Variants in XPOT observed in about 807,000 individuals in gnomAD.
XPOT encodes the protein exportin-T.
In XPOT, 34 loss-of-function variants were observed where a neutral mutation model predicts 128.2. That is an observed-to-expected ratio of 0.27 (90% CI 0.20 to 0.35). The LOEUF (loss-of-function observed/expected upper bound fraction) is 0.35. Ranked by LOEUF, XPOT falls within the 10% of genes least tolerant of loss-of-function variation. The probability of loss-of-function intolerance (pLI) is 1.00; values close to 1 mark genes in which losing one functional copy is unlikely to be tolerated. For missense variants in XPOT, 838 were observed against 1,125.3 expected, an observed-to-expected ratio of 0.74 and a Z score of 3.65; for synonymous variants, 348 against 394.3, an observed-to-expected ratio of 0.88 and a Z score of 1.39.
chr12:64,434,292 A>G (rs527650233), intron 19 of XPOT, among the ~76,000 whole-genome samples: 12 of 152,232 alleles, frequency 7.9e-5, no homozygotes, highest in South Asian at 2.1e-4. Context: ...CACCGCGCCC[A>G]GCTGATTTTT....
chr12:64,425,716 G>T, intron 14 of XPOT, 99 bp from the exon 15 acceptor site: 1 of 1,195,164 alleles, frequency 8.4e-7, no homozygotes, highest in South Asian at 1.2e-5. Flanking sequence ...CCTTTTAGGA[G>T]CTAAGAAGTA....
chr12:64,435,599 T>C (rs2040275999), intron 21 of XPOT, 28 bp from the exon 22 acceptor site: 2 of 1,580,212 alleles, frequency 1.3e-6, no homozygotes, highest in East Asian at 2.3e-5. Context: ...ATTGAATATA[T>C]AGAAATTCTT....
At chr12:64,405,769 C>T (rs2039975099) in intron 1 of XPOT, among the ~76,000 whole-genome samples, 1 of 151,938 alleles carries the variant, frequency 6.6e-6, no homozygotes, top group African/African-American at 2.4e-5. Context: ...AGGTGCGCCC[C>T]GCCACACCTG....
At chr12:64,442,645 TGA>T (rs1424871091) in intron 23 of XPOT, 1 of 152,426 alleles carries the variant, frequency 6.6e-6, no homozygotes, top group Non-Finnish European at 1.5e-5. Context: ...ATGAGCTGGG[TGA>T]GAGAGCTGCT....
Position 64,405,859 on chromosome 12 carries a change from G to T in XPOT, c.-75+1055G>T, listed in dbSNP as rs184336402. Among the ~76,000 whole-genome samples, 244 of 152,228 alleles carry T rather than the reference G, an allele frequency of 1.6e-3. 1 individual carries two copies. The highest frequency in any genetic ancestry group is 5.7e-3 in the African/African-American group (237 of 41,556). ...TCTCGATCTCTTGACCTCGCGATCCGCCCGCCTCAGCCTCCCAAAGTGCTG... is the reference window on the plus strand; with the variant it reads ...TCTCGATCTCTTGACCTCGCGATCCTCCCGCCTCAGCCTCCCAAAGTGCTG... On this transcript the variant is annotated intron_variant, in intron 1 of 24. Transcript: ENST00000332707.
chr12:64,418,065 G>C lies in XPOT; in HGVS notation c.220G>C (p.Val74Leu), dbSNP rs753271807. Residue 74 changes from valine (V) to leucine (L), a missense_variant, in exon 5 of 25, where the codon GTT becomes CTT. Coordinates refer to ENST00000332707, the MANE Select transcript of XPOT (RefSeq NM_007235.6). ...VKYKYSELTT[V>L]QQQLIRETLI... ...GAACAGATACTCAGAACTAACCACT[G>C]TTCAACAACAGCTAATTAGGGAGAC... The C allele has an allele frequency of 1.2e-6, 2 of 1,613,242 alleles. No individual in the cohort carries two copies. Among genetic ancestry groups the C allele is most frequent in the South Asian group, 1.1e-5 (1 of 90,924 alleles).
chr12:64,428,702 A>C (rs1042217397), intron 16 of XPOT, among the ~76,000 whole-genome samples: 1 of 152,254 alleles, frequency 6.6e-6, no homozygotes, highest in Admixed American at 6.5e-5. Context: ...TGGAAAAAGT[A>C]ATTTTAAAAA....
At chr12:64,435,602 A>G in intron 21 of XPOT, 25 bp from the exon 22 acceptor site, 1 of 1,584,032 alleles carries the variant, frequency 6.3e-7, no homozygotes, top group Middle Eastern at 1.7e-4. Context: ...GAATATATAG[A>G]AATTCTTAAA....
rs774855274 is a variant in XPOT at position 64,435,619 on chromosome 12, T to C, written c.2686-8T>C. On this transcript the variant is annotated splice_region_variant and splice_polypyrimidine_tract_variant and intron_variant, in intron 21 of 24. Transcript: ENST00000332707. The stretch of plus-strand genomic sequence containing the variant: ...ATATATAGAAATTCTTAAACTTGTT[T>C]TTCACAGGCTTTATCTGAGTGTGCA... 1.9e-6 allele frequency: 3 copies of C among 1,589,196 alleles called. No homozygotes were observed. The South Asian group carries it at 3.4e-5, about 18-fold the overall frequency.
chr12:64,422,734 A>G (rs1181732320), intron 9 of XPOT, among the ~76,000 whole-genome samples: 1 of 151,998 alleles, frequency 6.6e-6, no homozygotes. Context: ...CTCCATTTCT[A>G]TAAATAATAA....
chr12:64,421,847 T>C (rs2136020498), intron 9 of XPOT, among the ~76,000 whole-genome samples: 1 of 152,198 alleles, frequency 6.6e-6, no homozygotes, highest in Non-Finnish European at 1.5e-5. Context: ...AGTTTTGCTG[T>C]TGTTGCCCAG....
intron 2 of XPOT, among the ~76,000 whole-genome samples, chr12:64,412,592 T>C (rs145286046): frequency 1.1e-3 from 160 of 152,324 alleles, no homozygotes; most frequent in Middle Eastern, 3.4e-3. Flanking sequence ...TGTGTTCTTA[T>C]AGTCTTAACT....
chr12:64,431,911 C>CT (rs981881879), intron 18 of XPOT, 88 bp downstream of exon 18: 605 of 1,375,052 alleles, frequency 4.4e-4, no homozygotes, highest in South Asian at 6.3e-4. Context: ...CCTTGGGTTT[C>CT]TTTTTTTTTG....
At chr12:64,447,780 G>A (rs1196478808) in intron 24 of XPOT, among the ~76,000 whole-genome samples, 1 of 152,124 alleles carries the variant, frequency 6.6e-6, no homozygotes, top group Non-Finnish European at 1.5e-5. Flanking sequence ...TAATTTACCA[G>A]TGTTAATTTG....
intron 1 of XPOT, chr12:64,409,698 G>A (rs937788612): frequency 2.3e-5 from 5 of 217,780 alleles, no homozygotes; most frequent in Non-Finnish European, 3.7e-5. Context: ...CGGTGCCACT[G>A]CACTCCAGCC....
chr12:64,427,944 GC>G, intron 15 of XPOT, 106 bp from the exon 16 acceptor site: 2 of 712,918 alleles, frequency 2.8e-6, no homozygotes, highest in Non-Finnish European at 4.9e-6. Context: ...GAAGTGACTA[GC>G]CTACAACTGA....
chr12:64,434,668 A>G (rs1376016957), intron 20 of XPOT, 45 bp downstream of exon 20: 1 of 1,575,528 alleles, frequency 6.3e-7, no homozygotes, highest in Non-Finnish European at 8.7e-7. Flanking sequence ...AAACTCTTTC[A>G]TAAAACTCTT....
At chr12:64,440,272 C>T (rs2040314503) in intron 23 of XPOT, among the ~76,000 whole-genome samples, 1 of 152,200 alleles carries the variant, frequency 6.6e-6, no homozygotes, top group African/African-American at 2.4e-5. Flanking sequence ...CCTTTAGGTT[C>T]ATCCATGTTG....
rs187219486 is a variant in XPOT at position 64,449,343 on chromosome 12, C to T, written c.*1212C>T. 17 of 152,272 alleles carry T rather than the reference C, an allele frequency of 1.1e-4. No individual in the cohort carries two copies. The highest frequency in any genetic ancestry group is 3.6e-4 in the African/African-American group (15 of 41,528). 9.4% of individuals were successfully genotyped at this position (152,272 alleles called of 1,614,324 possible). A position where few individuals can be genotyped will look rare whatever the true frequency, so the allele number is the denominator to read the frequency against. ...ATTTAATTATTAGAAGTACTTACCC[C>T]TGCCTTCCTCCATTTTTATTCATGG... On this transcript the variant is annotated 3_prime_UTR_variant, in exon 25 of 25. Coordinates refer to ENST00000332707, the MANE Select transcript of XPOT (RefSeq NM_007235.6).
Sources: gnomAD v4.1 joint callset for allele counts (sites outside exome capture counted in the v4.1 genomes callset) on GRCh38, gnomAD v4.1.1 for gene constraint, MANE v1.5 for transcripts, NCBI Gene and HGNC (gene_info 2026-07-23, HGNC 2026-07-21) for gene names.